MTMR8: variants seen among roughly 807,000 people sequenced by gnomAD.
MTMR8 encodes the protein phosphatidylinositol-3,5-bisphosphate 3-phosphatase MTMR8.
A neutral mutation model predicts 39.3 loss-of-function variants in MTMR8; 65 were observed. That is an observed-to-expected ratio of 1.65 (90% CI 1.35 to 2.03). The LOEUF is 2.03. Among genes scored for constraint, MTMR8 ranks in the 30% most tolerant of loss-of-function variants. The pLI is 0.00. For synonymous variants in MTMR8, 245 were observed against 185.2 expected (o/e 1.32, Z -2.62); for missense variants, 777 against 538.9 (o/e 1.44, Z -4.37).
Position 64,344,689 on chromosome X carries a change from T to C in MTMR8, c.865+356A>G, listed in dbSNP as rs1034439640. 2.8e-4 allele frequency among the ~76,000 whole-genome samples: 31 copies of C among 111,624 alleles called. No individual in the cohort carries two copies. In the Admixed American group the frequency reaches 2.9e-3, roughly 10 times the overall value. On this transcript the variant is annotated intron_variant, in intron 7 of 13. Coordinates refer to ENST00000374852, the MANE Select transcript of MTMR8 (RefSeq NM_017677.4). ...CTTATACCAAATTAAAGAAGATAAT[T>C]TCTTACCTTAAGGATGATAAAATGA...
In MTMR8 at chrX:64,348,670, G is replaced by A. The variant is rs1180811957; in HGVS notation, c.722C>T (p.Thr241Ile). Reference protein sequence around the residue: ...PGSQFMYVVDTRPKLNAMANR... With the variant: ...PGSQFMYVVDIRPKLNAMANR... The stretch of plus-strand genomic sequence containing the variant: ...CTGAGAAATAGATACCTTTGGTCTT[G>A]TGTCTACAACATACATAAACTGGCT... The change falls in exon 6 of 14, where the codon ACA becomes ATA. Residue 241 changes from threonine to isoleucine, a missense_variant. Physicochemically the swap from Thr to Ile is moderately conservative, Grantham distance 89 (BLOSUM62 -1). Coordinates refer to ENST00000374852, the MANE Select transcript of MTMR8 (RefSeq NM_017677.4). 8.3e-7 allele frequency: 1 copy of A among 1,209,029 alleles called. No individual in the cohort carries two copies. The highest frequency in any genetic ancestry group is 1.7e-5 in the African/African-American group (1 of 57,171).
At chrX:64,375,076 A>C (rs779236157) in intron 1 of MTMR8, among the ~76,000 whole-genome samples, 1 of 107,774 alleles carries the variant, frequency 9.3e-6, no homozygotes, top group Non-Finnish European at 1.9e-5. Context: ...AAGTGAAGGA[A>C]GGGCCAGCTG....
intron 12 of MTMR8, among the ~76,000 whole-genome samples, chrX:64,313,716 C>G (rs886527261): frequency 8.9e-6 from 1 of 112,430 alleles, no homozygotes; most frequent in African/African-American, 3.2e-5. Context: ...ATTGTTGTGT[C>G]TTGAATCCAG....
At chrX:64,278,905 G>A (rs1931944001) in intron 12 of MTMR8, among the ~76,000 whole-genome samples, 1 of 111,855 alleles carries the variant, frequency 8.9e-6, no homozygotes, top group African/African-American at 3.3e-5. Flanking sequence ...GGAGGCTGCA[G>A]AATAGCAAAG....
chrX:64,340,047 C>T (rs1236360627), intron 8 of MTMR8, among the ~76,000 whole-genome samples: 1 of 111,416 alleles, frequency 9.0e-6, no homozygotes, highest in Non-Finnish European at 1.9e-5. Flanking sequence ...CTATGGGATA[C>T]ATCTATTTGC....
At chrX:64,338,827 T>C (rs756558734) in intron 8 of MTMR8, among the ~76,000 whole-genome samples, 125 of 111,637 alleles carry the variant, frequency 1.1e-3, no homozygotes, top group African/African-American at 3.6e-3. Context: ...ATTATGAACA[T>C]TTTAACAGGA....
At chrX:64,395,190 G>A in intron 1 of MTMR8, 150 bp downstream of exon 1, 1 of 555,290 alleles carries the variant, frequency 1.8e-6, no homozygotes, top group Non-Finnish European at 3.0e-6. Context: ...TGGTTGAAAG[G>A]GGGTGTGGAC....
At chrX:64,301,881 G>T (rs1921892221) in intron 12 of MTMR8, among the ~76,000 whole-genome samples, 1 of 111,829 alleles carries the variant, frequency 8.9e-6, no homozygotes, top group African/African-American at 3.3e-5. Flanking sequence ...GCTGCTTGGG[G>T]GTCAGGGGTC....
intron 12 of MTMR8, 37 bp from the exon 13 acceptor site, chrX:64,271,110 T>A: frequency 2.6e-6 from 3 of 1,148,051 alleles, no homozygotes; most frequent in Non-Finnish European, 3.5e-6. Context: ...AGTGGGTTAG[T>A]TTAGCTGGAG....
At chrX:64,292,575 A>G (rs1022018041) in intron 12 of MTMR8, among the ~76,000 whole-genome samples, 36 of 110,600 alleles carry the variant, frequency 3.3e-4, no homozygotes, top group Admixed American at 9.7e-5. Flanking sequence ...CATGCTAGGG[A>G]CTAGGATCAT....
At chrX:64,298,794 G>C (rs1291780291) in intron 12 of MTMR8, among the ~76,000 whole-genome samples, 1 of 41,739 alleles carries the variant, frequency 2.4e-5, no homozygotes, top group Non-Finnish European at 3.2e-5. Context: ...ATGAAGGGTT[G>C]TTGAATTTTG....
rs1491497852 is a variant in MTMR8, at chrX:64,278,459, GGT to G, written c.1482-7388_1482-7387del. ...TGATGTTGATGCTATTTATTTTGCT[GGT>G]TTTTTTTTTTTTTTTTTTTTTTTTT... On this transcript the variant is annotated intron_variant, in intron 12 of 13. Transcript: ENST00000374852. 8.5e-3 allele frequency among the ~76,000 whole-genome samples: 424 copies of G among 49,845 alleles called. 139 individuals carry two copies. Among genetic ancestry groups the G allele is most frequent in the African/African-American group, 0.046 (399 of 8,734 alleles). The allele number at this position is 49,845 out of a possible 115,157, so 43.3% of individuals were successfully genotyped here.
chrX:64,282,443 C>T (rs1920999921), intron 12 of MTMR8, among the ~76,000 whole-genome samples: 1 of 110,547 alleles, frequency 9.0e-6, no homozygotes, highest in Admixed American at 9.7e-5. Context: ...CACCATGGCA[C>T]ACGTTTACCT....
chrX:64,372,637 G>A (rs1290527765), intron 1 of MTMR8, among the ~76,000 whole-genome samples: 1 of 111,591 alleles, frequency 9.0e-6, no homozygotes, highest in Non-Finnish European at 1.9e-5. Context: ...ATTCATCCAG[G>A]TGTTTGCCTA....
chrX:64,373,071 T>A (rs1352715204), intron 1 of MTMR8, among the ~76,000 whole-genome samples: 1 of 111,794 alleles, frequency 8.9e-6, no homozygotes, highest in Non-Finnish European at 1.9e-5. Flanking sequence ...CATTTAATCC[T>A]CATAATAACT....
chrX:64,332,316 C>A (rs1344358763), intron 10 of MTMR8, among the ~76,000 whole-genome samples: 2 of 111,539 alleles, frequency 1.8e-5, no homozygotes, highest in Non-Finnish European at 3.8e-5. Context: ...TCTTTACCAA[C>A]CCTATCATCG....
chrX:64,384,163 T>A (rs1284512051), intron 1 of MTMR8, among the ~76,000 whole-genome samples: 2 of 111,851 alleles, frequency 1.8e-5, no homozygotes, highest in African/African-American at 6.5e-5. Context: ...AAGTAAATAA[T>A]ATCCTTTGAC....
At chrX:64,354,402 T>C (rs1413848524) in intron 4 of MTMR8, among the ~76,000 whole-genome samples, 1 of 111,464 alleles carries the variant, frequency 9.0e-6, no homozygotes, top group African/African-American at 3.3e-5. Flanking sequence ...TATGCCTGTA[T>C]AAAAATATCA....
At position 64,392,671 on chromosome X, in the gene MTMR8, A is replaced by C. The variant is rs770580500; in HGVS notation, c.24+2669T>G. 2.7e-5 allele frequency among the ~76,000 whole-genome samples: 3 copies of C among 111,247 alleles called. No homozygotes were observed. The South Asian group carries it at 1.1e-3, about 42-fold the overall frequency. ...GTCCAGTTTTTAAGTTTATAGCACA[A>C]TGAATACTTCCAATCTATACACTTT... is the stretch of plus-strand genomic sequence containing the variant. On this transcript the variant is annotated intron_variant, in intron 1 of 13. Coordinates refer to ENST00000374852, the MANE Select transcript of MTMR8 (RefSeq NM_017677.4).
Sources: gnomAD v4.1 joint callset for allele counts (sites outside exome capture counted in the v4.1 genomes callset) on GRCh38, gnomAD v4.1.1 for gene constraint, MANE v1.5 for transcripts, NCBI Gene and HGNC (gene_info 2026-07-23, HGNC 2026-07-21) for gene names.